The following WIF1 variants were observed in gnomAD, a reference collection of about 807,000 sequenced individuals.
WIF1 encodes the protein Wnt inhibitory factor 1.
Under a neutral mutation model 53.5 loss-of-function variants are expected in WIF1, and 35 were observed. That is an observed-to-expected ratio of 0.65 (90% CI 0.50 to 0.87). The LOEUF is 0.87. WIF1 is among the 40% of genes least tolerant of loss of function. The pLI is 0.00. For missense variants in WIF1, 467 were observed against 476.8 expected (o/e 0.98, Z 0.19); for synonymous variants, 171 against 170.4 (o/e 1.00, Z -0.03).
chr12:65,084,490 C>T (rs1193947788), intron 2 of WIF1, among the ~76,000 whole-genome samples: 1 of 152,218 alleles, frequency 6.6e-6, no homozygotes, highest in African/African-American at 2.4e-5. Context: ...TTAACCTCTA[C>T]TGACCTTCAA....
At chr12:65,114,058 A>C (rs945260600) in intron 2 of WIF1, among the ~76,000 whole-genome samples, 4 of 152,240 alleles carry the variant, frequency 2.6e-5, no homozygotes, top group African/African-American at 4.8e-5. Context: ...AGGGATTTCC[A>C]TAGTAATAAT....
intron 9 of WIF1, among the ~76,000 whole-genome samples, chr12:65,053,536 G>A (rs1398381897): frequency 6.6e-6 from 1 of 152,152 alleles, no homozygotes; most frequent in African/African-American, 2.4e-5. Flanking sequence ...TCCACCTTAT[G>A]AAGAAGGTAC....
chr12:65,115,850 A>G (rs893892616), intron 2 of WIF1, among the ~76,000 whole-genome samples: 1 of 152,200 alleles, frequency 6.6e-6, no homozygotes, highest in African/African-American at 2.4e-5. Context: ...AAAGAAATTG[A>G]TGAGAATCTG....
At chr12:65,111,690 C>A (rs1883433386) in intron 2 of WIF1, among the ~76,000 whole-genome samples, 1 of 152,188 alleles carries the variant, frequency 6.6e-6, no homozygotes, top group Non-Finnish European at 1.5e-5. Flanking sequence ...ATATAGCTGT[C>A]TCTCCAGTTA....
intron 2 of WIF1, among the ~76,000 whole-genome samples, chr12:65,096,845 A>T (rs1332938487): frequency 2.6e-5 from 4 of 152,008 alleles, no homozygotes; most frequent in African/African-American, 7.2e-5. Flanking sequence ...GAGGGGAACA[A>T]CACACACTGG....
intron 2 of WIF1, among the ~76,000 whole-genome samples, chr12:65,093,544 A>G (rs535982554): frequency 2.0e-5 from 3 of 152,284 alleles, no homozygotes; most frequent in African/African-American, 7.2e-5. Context: ...ATGTATACCT[A>G]TTTAATGGTA....
intron 7 of WIF1, among the ~76,000 whole-genome samples, chr12:65,061,665 C>T (rs1882614243): frequency 6.6e-6 from 1 of 152,178 alleles, no homozygotes; most frequent in Non-Finnish European, 1.5e-5. Context: ...CACATTTCAA[C>T]CCTTACTTTT....
intron 6 of WIF1, 46 bp downstream of exon 6, chr12:65,066,595 C>T: frequency 6.6e-7 from 1 of 1,515,276 alleles, no homozygotes; most frequent in South Asian, 1.2e-5. Flanking sequence ...TCTAATCAAA[C>T]ATTTTAAAAG....
At chr12:65,067,973 G>A (rs1203210672) in intron 4 of WIF1, among the ~76,000 whole-genome samples, 183 bp from the exon 5 acceptor site, 3 of 152,122 alleles carry the variant, frequency 2.0e-5, no homozygotes, top group African/African-American at 4.8e-5. Flanking sequence ...ATCTGCTGCA[G>A]AGTAAGATTT....
chr12:65,108,977 G>T (rs569009217), intron 2 of WIF1, among the ~76,000 whole-genome samples: 1 of 152,200 alleles, frequency 6.6e-6, no homozygotes, highest in East Asian at 1.9e-4. Context: ...GCATTCGATG[G>T]CTCTGATTAT....
Position 65,053,423 on chromosome 12 carries a change from G to T in WIF1, c.1018+1695C>A, listed in dbSNP as rs572501500. On this transcript the variant is annotated intron_variant, in intron 9 of 9. Coordinates refer to ENST00000286574, the MANE Select transcript of WIF1 (RefSeq NM_007191.5). The stretch of plus-strand genomic sequence containing the variant: ...CAGGTGGAGGTAATTGAATCATGGG[G>T]CTGGTTCCCCTATGCTGTTCTCCTG... Among the ~76,000 whole-genome samples the T allele has an allele frequency of 3.8e-4, 58 of 152,278 alleles. No individual in the cohort carries two copies. In the Middle Eastern group the frequency reaches 0.01, roughly 27 times the overall value.
intron 7 of WIF1, among the ~76,000 whole-genome samples, chr12:65,059,561 T>C (rs539381263): frequency 6.6e-6 from 1 of 152,256 alleles, no homozygotes; most frequent in East Asian, 1.9e-4. Context: ...GTACACACCA[T>C]CCATCCAGAT....
intron 2 of WIF1, among the ~76,000 whole-genome samples, chr12:65,092,496 ATATATATGTGTG>A (rs1353597072): frequency 1.4e-3 from 57 of 40,246 alleles, no homozygotes; most frequent in African/African-American, 2.4e-3. Flanking sequence ...ATATGTGTGT[ATATATATGTGTG>A]TATATATATA....
chr12:65,062,363 C>T (rs1882625660), intron 7 of WIF1, 118 bp downstream of exon 7: 1 of 893,474 alleles, frequency 1.1e-6, no homozygotes, highest in Non-Finnish European at 1.7e-6. Flanking sequence ...TGGCCTAAGA[C>T]CTTAGACAAG....
intron 2 of WIF1, among the ~76,000 whole-genome samples, chr12:65,119,141 G>T (rs778086389): frequency 6.6e-6 from 1 of 152,180 alleles, no homozygotes. Context: ...CCATTCGTTG[G>T]TTTATTACTG....
chr12:65,079,030 T>G (rs972412907), intron 2 of WIF1, among the ~76,000 whole-genome samples: 1 of 151,982 alleles, frequency 6.6e-6, no homozygotes, highest in Non-Finnish European at 1.5e-5. Context: ...CTGGGCATGG[T>G]CGTGGGTGCT....
rs560723841 is a variant in WIF1 at position 65,050,815 on chromosome 12, AT to A, written c.*533del. Reference sequence around the variant, plus strand: ...GTTTAAATGCCACTACCACAGTGTAATTTTTTTTTTTTTAATACTGAATCTC... The same window carrying A: ...GTTTAAATGCCACTACCACAGTGTAATTTTTTTTTTTTAATACTGAATCTC... On this transcript the variant is annotated 3_prime_UTR_variant, in exon 10 of 10. Transcript: ENST00000286574. The A allele has an allele frequency of 0.067, 11,796 of 176,852 alleles. 629 individuals carry two copies. The highest frequency in any genetic ancestry group is 0.17 in the African/African-American group (7,187 of 42,004). 11.0% of individuals were successfully genotyped at this position (176,852 alleles called of 1,614,324 possible). A position where few individuals can be genotyped will look rare whatever the true frequency, so the allele number is the denominator to read the frequency against.
chr12:65,065,699 C>CA (rs987305291), intron 6 of WIF1, among the ~76,000 whole-genome samples: 5 of 152,038 alleles, frequency 3.3e-5, no homozygotes, highest in Non-Finnish European at 7.4e-5. Context: ...TGTTTATTGA[C>CA]AAAAAATGCT....
At chr12:65,070,836 C>G (rs1349126974) in intron 3 of WIF1, among the ~76,000 whole-genome samples, 4 of 152,024 alleles carry the variant, frequency 2.6e-5, no homozygotes, top group Non-Finnish European at 5.9e-5. Context: ...CCAGCATTAT[C>G]AAATTTCAAA....
Sources: allele counts gnomAD v4.1 joint callset (sites outside exome capture counted in the v4.1 genomes callset), GRCh38; gene constraint gnomAD v4.1.1; transcripts MANE v1.5; gene names NCBI Gene and HGNC (gene_info 2026-07-23, HGNC 2026-07-21).